MYO16: variants seen among roughly 807,000 people sequenced by gnomAD.
MYO16 encodes the protein myosin XVI.
Under a neutral mutation model 205.3 loss-of-function variants are expected in MYO16, and 94 were observed. That is an observed-to-expected ratio of 0.46 (90% CI 0.39 to 0.54). MYO16 has a LOEUF of 0.54. MYO16 is among the 20% of genes least tolerant of loss of function. The pLI, the probability that MYO16 is intolerant of heterozygous loss-of-function variation, is 0.00. For synonymous variants in MYO16, 988 were observed against 954.0 expected (o/e 1.04, Z -0.66); for missense variants, 2,315 against 2,387.5 (o/e 0.97, Z 0.63).
chr13:108,813,952 A>G (rs1887371465), intron 7 of MYO16, among the ~76,000 whole-genome samples: 1 of 152,222 alleles, frequency 6.6e-6, no homozygotes, highest in African/African-American at 2.4e-5. Context: ...TTGGAAGCAC[A>G]TAGGAAATAT....
chr13:108,566,630 A>G, the MYO16 span, among the ~76,000 whole-genome samples: 1 of 151,094 alleles, frequency 6.6e-6, no homozygotes, highest in Non-Finnish European at 1.5e-5. Flanking sequence ...AGACTGTGTA[A>G]GAAAGAAAGA....
chr13:109,205,814 T>C (rs912509999), intron 34 of MYO16, among the ~76,000 whole-genome samples: 1 of 152,204 alleles, frequency 6.6e-6, no homozygotes, highest in Non-Finnish European at 1.5e-5. Context: ...TTACATGTTT[T>C]GATGCTTTCC....
chr13:109,122,508 G>A (rs1329228003), intron 29 of MYO16, among the ~76,000 whole-genome samples: 8 of 151,834 alleles, frequency 5.3e-5, no homozygotes, highest in Admixed American at 2.6e-4. Context: ...GTGAAACCCC[G>A]TCTCTACTAA....
chr13:108,844,403 CAAAGA>C lies in MYO16; in HGVS notation c.1159_1163del (p.Lys387CysfsTer7). 6.2e-7 allele frequency: 1 copy of C among 1,613,294 alleles called. No individual in the cohort carries two copies. The highest frequency in any genetic ancestry group is 1.7e-5 in the Admixed American group (1 of 59,940). ...GTTTGTTGGAAAAAGACATTATGTTCAAAGATGCAACAAAAGGTCTGTGTAAGCAG... is the reference window on the plus strand; with the variant it reads ...GTTTGTTGGAAAAAGACATTATGTTCTGCAACAAAAGGTCTGTGTAAGCAG... On this transcript the variant is annotated frameshift_variant, in exon 10 of 35. Transcript: ENST00000457511. LOFTEE classifies it high-confidence loss of function.
At chr13:108,733,884 G>A (rs895499929) in intron 4 of MYO16, among the ~76,000 whole-genome samples, 2 of 152,298 alleles carry the variant, frequency 1.3e-5, no homozygotes, top group African/African-American at 4.8e-5. Flanking sequence ...CAGGAGAATG[G>A]TGTGAACATG....
rs12871154 is a variant in MYO16, at chr13:109,192,007, C to A, written c.5415+12374C>A. On this transcript the variant is annotated intron_variant, in intron 34 of 34. Coordinates refer to ENST00000457511, the MANE Select transcript of MYO16 (RefSeq NM_001198950.3). The stretch of plus-strand genomic sequence containing the variant: ...CCCATATTTCTGATAATTTTGAAAG[C>A]GAAATTCAGGCTAAAATAATAGAAG... 2.0e-5 allele frequency among the ~76,000 whole-genome samples: 3 copies of A among 152,184 alleles called. No homozygotes were observed. In the South Asian group the frequency reaches 6.2e-4, roughly 32 times the overall value.
At chr13:108,806,548 T>C in intron 6 of MYO16, 131 bp from the exon 7 acceptor site, 1 of 639,416 alleles carries the variant, frequency 1.6e-6, no homozygotes, top group Non-Finnish European at 2.5e-6. Flanking sequence ...TGCATGTATG[T>C]TCTTTTGTTT....
At chr13:108,507,477 G>GA in the MYO16 span, among the ~76,000 whole-genome samples, 1 of 152,010 alleles carries the variant, frequency 6.6e-6, no homozygotes, top group Non-Finnish European at 1.5e-5. Context: ...TTTCTGCTGA[G>GA]AAAACCACTG....
At chr13:109,172,836 TG>T (rs34780470) in intron 33 of MYO16, among the ~76,000 whole-genome samples, 143,849 of 152,304 alleles carry the variant, frequency 0.94, 67,974 homozygotes, top group East Asian at 0.99. Flanking sequence ...ATGAGGTAGA[TG>T]GAGGTGCAAG....
chr13:108,911,331 A>C (rs1466411454), intron 16 of MYO16, among the ~76,000 whole-genome samples: 2 of 152,176 alleles, frequency 1.3e-5, no homozygotes. Context: ...GATATGATGA[A>C]AAATAAATGA....
At chr13:108,905,797 A>G (rs56083444) in intron 15 of MYO16, among the ~76,000 whole-genome samples, 10,613 of 152,228 alleles carry the variant, frequency 0.07, 520 homozygotes, top group Non-Finnish European at 0.11. Context: ...TCAAGAGCTT[A>G]CTTGTAAAGG....
At position 108,749,772 on chromosome 13, in the gene MYO16, C is replaced by T. The variant is rs745356782; in HGVS notation, c.507+22189C>T. Among the ~76,000 whole-genome samples, 4 of 152,182 alleles carry T rather than the reference C, an allele frequency of 2.6e-5. 1 individual carries two copies. The highest frequency in any genetic ancestry group is 4.1e-4 in the South Asian group (2 of 4,836). ...CAATACAACCCAGCAATCATGTTCCCGGGTTTTTACACAAATGAGTTGAAA... is the reference window on the plus strand; with the variant it reads ...CAATACAACCCAGCAATCATGTTCCTGGGTTTTTACACAAATGAGTTGAAA... On this transcript the variant is annotated intron_variant, in intron 4 of 34. Coordinates refer to ENST00000457511, the MANE Select transcript of MYO16 (RefSeq NM_001198950.3).
At chr13:108,531,261 C>A in the MYO16 span, among the ~76,000 whole-genome samples, 4 of 152,208 alleles carry the variant, frequency 2.6e-5, no homozygotes, top group African/African-American at 9.6e-5. Flanking sequence ...AAATGTGTAG[C>A]CCTTGAAGGG....
chr13:108,675,211 C>G (rs1287655113), intron 2 of MYO16, among the ~76,000 whole-genome samples: 3 of 152,168 alleles, frequency 2.0e-5, no homozygotes, highest in Admixed American at 1.3e-4. Context: ...TTTTCCAACT[C>G]CACATACATA....
intron 10 of MYO16, among the ~76,000 whole-genome samples, chr13:108,845,599 T>C (rs2139075770): frequency 6.6e-6 from 1 of 152,260 alleles, no homozygotes; most frequent in African/African-American, 2.4e-5. Flanking sequence ...CACTTCCTTA[T>C]AGGCTCTATC....
Position 109,127,303 on chromosome 13 carries a change from C to T in MYO16, c.3804C>T (p.Pro1268=), listed in dbSNP as rs771183709. Residue 1268 remains proline, a synonymous_variant, in exon 31 of 35, where the codon CCC becomes CCT. Transcript: ENST00000457511. The surrounding 1 kb of genome is among the most constrained non-coding windows in gnomAD (Gnocchi z 4.2). ...TAAGAACCGATGACAAGAGTGGACC[C>T]AGGCATTTCCACCCCAGCTCCATGT... ...GSKRTDDKSG[P]RHFHPSSMSV... 1.3e-5 allele frequency: 21 copies of T among 1,595,320 alleles called. 1 individual carries two copies. The East Asian group carries it at 4.5e-4, about 34-fold the overall frequency.
chr13:108,835,092 T>C (rs1594330661), intron 9 of MYO16, among the ~76,000 whole-genome samples: 1 of 152,176 alleles, frequency 6.6e-6, no homozygotes, highest in Non-Finnish European at 1.5e-5. Flanking sequence ...CTTAGAATTT[T>C]TTTTTTCTTA....
chr13:108,974,933 T>G (rs756519495), intron 20 of MYO16, among the ~76,000 whole-genome samples: 1 of 152,200 alleles, frequency 6.6e-6, no homozygotes, highest in Non-Finnish European at 1.5e-5. Context: ...TTAAAATACC[T>G]TTTGAATTAC....
At chr13:109,017,417 C>G (rs1049928614) in intron 22 of MYO16, among the ~76,000 whole-genome samples, 3 of 152,110 alleles carry the variant, frequency 2.0e-5, no homozygotes, top group Non-Finnish European at 2.9e-5. Flanking sequence ...TCATTTCAAC[C>G]TTGGTGAATC....
Sources: allele counts gnomAD v4.1 joint callset (sites outside exome capture counted in the v4.1 genomes callset), GRCh38; gene constraint gnomAD v4.1.1; non-coding constraint Gnocchi (gnomAD v3.1); transcripts MANE v1.5; gene names NCBI Gene and HGNC (gene_info 2026-07-23, HGNC 2026-07-21).